The following FBN2 variants were observed in gnomAD, a reference collection of about 807,000 sequenced individuals.
FBN2 encodes the protein fibrillin-2.
In FBN2, 105 loss-of-function variants were observed where a neutral mutation model predicts 355.6. The ratio of observed to expected loss-of-function variants is 0.30; its 90% confidence interval spans 0.25 to 0.35. The LOEUF (loss-of-function observed/expected upper bound fraction) is 0.35. Ranked by LOEUF, FBN2 falls within the 10% of genes least tolerant of loss-of-function variation. FBN2 has a pLI of 1.00. For missense variants in FBN2, 3,280 were observed against 3,758.7 expected (o/e 0.87, Z 3.33); for synonymous variants, 1,350 against 1,301.2 (o/e 1.04, Z -0.81).
At chr5:128,345,297 A>G in intron 24 of FBN2, 60 bp downstream of exon 24, 2 of 1,343,694 alleles carry the variant, frequency 1.5e-6, no homozygotes, top group Non-Finnish European at 2.1e-6. Context: ...CAATTCTCAG[A>G]GAATGTGGAA....
At chr5:128,534,176 T>C (rs1756785917) in intron 2 of FBN2, among the ~76,000 whole-genome samples, 1 of 152,170 alleles carries the variant, frequency 6.6e-6, no homozygotes, top group African/African-American at 2.4e-5. Context: ...TTTATTTATT[T>C]TCTTTTTTGT....
chr5:128,290,779 C>A lies in FBN2; in HGVS notation c.6398G>T (p.Gly2133Val), dbSNP rs1749299724. 6.2e-7 allele frequency: 1 copy of A among 1,614,088 alleles called. No homozygotes were observed. The highest frequency in any genetic ancestry group is 1.1e-5 in the South Asian group (1 of 91,086). Residue 2133 changes from glycine (G) to valine (V), a missense_variant, in exon 50 of 65, where the codon GGA (glycine) becomes GTA (valine). This residue lies in a region of FBN2 where 2,284 missense variants were observed against 2,749.5 expected (regional missense o/e 0.83). Coordinates refer to ENST00000262464, the MANE Select transcript of FBN2 (RefSeq NM_001999.4). ...CTCACAGGGGTCCCCCCAGCCCTCT[C>A]CTGGCATCTTACTACAGCAGCATTT... ...KAKCCCSKMP[G>V]EGWGDPCELC...
chr5:128,281,831 G>A (rs1030117747), intron 55 of FBN2, among the ~76,000 whole-genome samples: 11 of 152,038 alleles, frequency 7.2e-5, no homozygotes, highest in Admixed American at 3.9e-4. Flanking sequence ...GACTACAGGC[G>A]CCCGCCACCA....
intron 14 of FBN2, 114 bp from the exon 15 acceptor site, chr5:128,374,864 T>C: frequency 8.8e-7 from 1 of 1,134,596 alleles, no homozygotes; most frequent in Non-Finnish European, 1.3e-6. Context: ...ACTTTATAAT[T>C]TGTGAAGAAC....
chr5:128,494,541 A>G (rs1755601287), intron 5 of FBN2, among the ~76,000 whole-genome samples: 1 of 152,180 alleles, frequency 6.6e-6, no homozygotes. Flanking sequence ...AGGGCATTGT[A>G]AAAAAACAAT....
intron 31 of FBN2, among the ~76,000 whole-genome samples, chr5:128,333,810 TCAA>T (rs1022194150): frequency 2.0e-5 from 3 of 150,176 alleles, no homozygotes; most frequent in Non-Finnish European, 3.0e-5. Context: ...TCTATCTAGT[TCAA>T]CGATTACATA....
intron 48 of FBN2, among the ~76,000 whole-genome samples, chr5:128,299,513 A>G (rs188486524): frequency 6.6e-6 from 1 of 151,696 alleles, no homozygotes; most frequent in Non-Finnish European, 1.5e-5. Flanking sequence ...TGTGCGGGAT[A>G]TAATCTCCTG....
intron 12 of FBN2, among the ~76,000 whole-genome samples, chr5:128,378,326 C>G (rs331093): frequency 0.43 from 64,801 of 151,976 alleles, 14,293 homozygotes; most frequent in African/African-American, 0.5. Flanking sequence ...CAGTCATCTG[C>G]TAAAAGAATT....
chr5:128,328,700 G>GCAGA lies in FBN2; in HGVS notation c.4466_4467insTCTG (p.Gln1490LeufsTer5), dbSNP rs771523894. The GCAGA allele has an allele frequency of 6.2e-7, 1 of 1,614,058 alleles. No homozygotes were observed. Among genetic ancestry groups the GCAGA allele is most frequent in the African/African-American group, 1.3e-5 (1 of 75,042 alleles). ...GTTGGAATCCTGGTGACCCACCTTG[G>GCAGA]CAGGATCTGCTGTCTGAGGCTGGAG... On this transcript the variant is annotated frameshift_variant, in exon 34 of 65. Transcript: ENST00000262464. LOFTEE classifies it high-confidence loss of function.
chr5:128,395,494 TAA>T (rs1561435625), intron 8 of FBN2, among the ~76,000 whole-genome samples: 1 of 152,200 alleles, frequency 6.6e-6, no homozygotes, highest in Non-Finnish European at 1.5e-5. Context: ...AGTAAGAAGC[TAA>T]AGTCAGGCAA....
At chr5:128,437,839 AAGAC>A (rs1480711200) in intron 7 of FBN2, among the ~76,000 whole-genome samples, 17 of 149,390 alleles carry the variant, frequency 1.1e-4, no homozygotes, top group Non-Finnish European at 2.1e-4. Context: ...GACAGACAGA[AAGAC>A]AGGAGAAATG....
chr5:128,476,735 T>C (rs973630401), intron 5 of FBN2, among the ~76,000 whole-genome samples: 1 of 152,088 alleles, frequency 6.6e-6, no homozygotes, highest in African/African-American at 2.4e-5. Context: ...CTTTGTACCA[T>C]ATAAACAGAG....
At chr5:128,495,421 T>C (rs1755629819) in intron 5 of FBN2, among the ~76,000 whole-genome samples, 1 of 152,038 alleles carries the variant, frequency 6.6e-6, no homozygotes, top group Non-Finnish European at 1.5e-5. Flanking sequence ...CTTCCAAACT[T>C]GATGAAACAC....
chr5:128,296,510 T>C (rs1749516636), intron 48 of FBN2, among the ~76,000 whole-genome samples: 2 of 152,116 alleles, frequency 1.3e-5, no homozygotes. Flanking sequence ...TGCCACAATT[T>C]CAGAACCTGT....
intron 18 of FBN2, among the ~76,000 whole-genome samples, chr5:128,362,818 A>C (rs1189934923): frequency 6.6e-6 from 1 of 152,144 alleles, no homozygotes; most frequent in Non-Finnish European, 1.5e-5. Flanking sequence ...TAGTGACAAA[A>C]AGAAATAAAC....
At chr5:128,310,687 T>A (rs1034973317) in intron 39 of FBN2, among the ~76,000 whole-genome samples, 1 of 152,170 alleles carries the variant, frequency 6.6e-6, no homozygotes, top group Non-Finnish European at 1.5e-5. Flanking sequence ...TTACGCTACA[T>A]GTTTAATGTT....
chr5:128,383,775 T>A (rs1395981088), intron 11 of FBN2, among the ~76,000 whole-genome samples: 1 of 152,018 alleles, frequency 6.6e-6, no homozygotes, highest in Non-Finnish European at 1.5e-5. Flanking sequence ...GCCTACCTAT[T>A]ACAATGGCTA....
chr5:128,310,396 ATATATATTTTTTTTTT>A (rs1277282084), intron 39 of FBN2, among the ~76,000 whole-genome samples: 233 of 18,414 alleles, frequency 0.013, 2 homozygotes, highest in South Asian at 0.047. Flanking sequence ...ATATATATAT[ATATATATTTTTTTTTT>A]TTTTTTTTTA....
intron 56 of FBN2, among the ~76,000 whole-genome samples, 163 bp downstream of exon 56, chr5:128,280,029 T>C (rs1255576705): frequency 6.6e-6 from 1 of 152,208 alleles, no homozygotes; most frequent in Admixed American, 6.5e-5. Flanking sequence ...CATGTACAAA[T>C]ATATCATTTT....
Sources: gnomAD v4.1 joint callset for allele counts (sites outside exome capture counted in the v4.1 genomes callset) on GRCh38, gnomAD v4.1.1 for gene constraint, gnomAD v4.1.1 regional missense constraint, MANE v1.5 for transcripts, NCBI Gene and HGNC (gene_info 2026-07-23, HGNC 2026-07-21) for gene names.